Variants in GABRA3 observed in about 807,000 individuals in gnomAD.
The protein encoded by GABRA3 is gamma-aminobutyric acid receptor subunit alpha-3.
A neutral mutation model predicts 30.1 loss-of-function variants in GABRA3; 10 were observed. That is an observed-to-expected ratio of 0.33 (90% CI 0.20 to 0.56). The LOEUF (loss-of-function observed/expected upper bound fraction) is 0.56. Ranked by LOEUF, GABRA3 falls within the 20% of genes least tolerant of loss-of-function variation. The probability of loss-of-function intolerance (pLI) is 0.89; values close to 1 mark genes in which losing one functional copy is unlikely to be tolerated. For missense variants in GABRA3, 233 were observed against 392.0 expected (o/e 0.59, Z 3.42); for synonymous variants, 151 against 146.8 (o/e 1.03, Z -0.21).
intron 4 of GABRA3, among the ~76,000 whole-genome samples, chrX:152,273,298 G>A (rs929390704): frequency 8.9e-6 from 1 of 112,201 alleles, no homozygotes; most frequent in Non-Finnish European, 1.9e-5. Context: ...ACAGATGCTT[G>A]CAAGGATGCG....
At chrX:152,214,999 CATA>C (rs1451086698) in intron 6 of GABRA3, among the ~76,000 whole-genome samples, 1 of 105,542 alleles carries the variant, frequency 9.5e-6, no homozygotes, top group African/African-American at 3.4e-5. Flanking sequence ...CACACACACA[CATA>C]TATATATACA....
chrX:152,265,816 A>G (rs745715901), intron 4 of GABRA3, among the ~76,000 whole-genome samples: 28 of 111,305 alleles, frequency 2.5e-4, no homozygotes, highest in African/African-American at 8.8e-4. Flanking sequence ...AAAACTGATA[A>G]GGAAGAAATT....
chrX:152,369,820 T>C (rs751675030), intron 1 of GABRA3, among the ~76,000 whole-genome samples: 4 of 111,532 alleles, frequency 3.6e-5, no homozygotes, highest in South Asian at 3.8e-4. Flanking sequence ...CAAAGATATA[T>C]GCCCAATGCA....
Position 152,167,365 on chromosome X carries a change from A to T in GABRA3, c.*863T>A, listed in dbSNP as rs1251217211. 8.9e-6 allele frequency: 1 copy of T among 112,193 alleles called. No homozygotes were observed. 9.2% of individuals were successfully genotyped at this position (112,193 alleles called of 1,213,427 possible). A position where few individuals can be genotyped will look rare whatever the true frequency, so the allele number is the denominator to read the frequency against. On this transcript the variant is annotated 3_prime_UTR_variant, in exon 10 of 10. Coordinates refer to ENST00000370314, the MANE Select transcript of GABRA3 (RefSeq NM_000808.4). ...CATATTTTAAAAAAATGTTTTTTTTAAATCTAGATCACTTTGTTTCTATTT... is the reference window on the plus strand; with the variant it reads ...CATATTTTAAAAAAATGTTTTTTTTTAATCTAGATCACTTTGTTTCTATTT...
chrX:152,411,125 C>T (rs1029823992), intron 1 of GABRA3, among the ~76,000 whole-genome samples: 26 of 111,316 alleles, frequency 2.3e-4, no homozygotes, highest in African/African-American at 8.2e-4. Context: ...GCCTGGGTAA[C>T]ATAGTGAGAC....
chrX:152,431,184 G>A (rs779134203), intron 1 of GABRA3, among the ~76,000 whole-genome samples: 23 of 111,766 alleles, frequency 2.1e-4, no homozygotes, highest in Non-Finnish European at 4.0e-4. Flanking sequence ...GAAGGTAGTG[G>A]AGCAATGTTT....
intron 9 of GABRA3, among the ~76,000 whole-genome samples, chrX:152,182,697 ATATAGTGTATATATACATATATAGG>A (rs1277767093): frequency 2.9e-4 from 18 of 61,800 alleles, no homozygotes; most frequent in Admixed American, 8.3e-4. Flanking sequence ...ATATATGTAT[ATATAGTGTATATATACATATATAGG>A]TATAGTGTAT....
chrX:152,372,888 A>C (rs1928880048), intron 1 of GABRA3, among the ~76,000 whole-genome samples: 1 of 111,951 alleles, frequency 8.9e-6, no homozygotes, highest in Non-Finnish European at 1.9e-5. Context: ...GCATACTCCC[A>C]TATATTATGC....
chrX:152,211,905 A>G (rs1237100809), intron 6 of GABRA3, among the ~76,000 whole-genome samples: 1 of 111,016 alleles, frequency 9.0e-6, no homozygotes, highest in African/African-American at 3.3e-5. Flanking sequence ...CCAAGGCAAA[A>G]AGTATGTGAG....
chrX:152,395,209 G>A (rs987424895), intron 1 of GABRA3, among the ~76,000 whole-genome samples: 1 of 110,884 alleles, frequency 9.0e-6, no homozygotes, highest in East Asian at 2.8e-4. Flanking sequence ...AAATCCAAAC[G>A]ATCCCATTAC....
intron 9 of GABRA3, among the ~76,000 whole-genome samples, chrX:152,188,615 C>A (rs2124345963): frequency 9.0e-6 from 1 of 111,131 alleles, no homozygotes. Context: ...GCAAAAAATC[C>A]TATGGTAGAG....
chrX:152,364,525 T>A lies in GABRA3; in HGVS notation c.46A>T (p.Ile16Phe). 1 of 1,209,041 alleles carries A rather than the reference T, an allele frequency of 8.3e-7. No individual in the cohort carries two copies. The highest frequency in any genetic ancestry group is 1.1e-6 in the Non-Finnish European group (1 of 893,649). Residue 16 changes from isoleucine (I) to phenylalanine (F), a missense_variant, in exon 2 of 10, where the codon ATT (isoleucine) becomes TTT (phenylalanine). Around this residue, in one of 6 missense-constraint regions of GABRA3, gnomAD observed 69 missense variants for 79.4 expected, o/e 0.87. Coordinates refer to ENST00000370314, the MANE Select transcript of GABRA3 (RefSeq NM_000808.4). ...TSHCYMTSLG[I>F]LFLINILPGT... ...GGGAGAATATTAATCAGGAAAAGAA[T>A]CCCAAGGCTGGTCATGTAACAGTGA...
At chrX:152,351,068 T>G (rs1415078359) in intron 2 of GABRA3, among the ~76,000 whole-genome samples, 3 of 112,041 alleles carry the variant, frequency 2.7e-5, no homozygotes, top group Non-Finnish European at 5.6e-5. Flanking sequence ...GCTTTGTTAT[T>G]TCATTTACAG....
intron 1 of GABRA3, among the ~76,000 whole-genome samples, chrX:152,393,092 T>C (rs895112529): frequency 8.9e-5 from 10 of 112,189 alleles, no homozygotes; most frequent in African/African-American, 3.2e-4. Flanking sequence ...CAGGTAGACA[T>C]GAAACCATGA....
chrX:152,437,223 A>C (rs1366453476), intron 1 of GABRA3, among the ~76,000 whole-genome samples: 2 of 112,193 alleles, frequency 1.8e-5, no homozygotes, highest in Non-Finnish European at 3.8e-5. Flanking sequence ...TATACTAGCA[A>C]TGAACAACTG....
chrX:152,257,873 A>G (rs5970247), intron 4 of GABRA3, among the ~76,000 whole-genome samples: 24,923 of 111,479 alleles, frequency 0.22, 2,721 homozygotes, highest in African/African-American at 0.43. Flanking sequence ...TGGGATTGAC[A>G]TCCGAATATA....
In GABRA3 at chrX:152,255,986, C is replaced by T; in HGVS notation, c.343G>A (p.Asp115Asn). 8.4e-7 allele frequency: 1 copy of T among 1,193,521 alleles called. No homozygotes were observed. Among genetic ancestry groups the T allele is most frequent in the Non-Finnish European group, 1.1e-6 (1 of 882,689 alleles). Residue 115 changes from aspartate to asparagine, a missense_variant, in exon 5 of 10, where the codon GAT becomes AAT. Asp to Asn is a conservative substitution (Grantham distance 23). Coordinates refer to ENST00000370314, the MANE Select transcript of GABRA3 (RefSeq NM_000808.4). ...VSDTDMEYTI[D>N]VFFRQTWHDE... ...TGCCATGTCTGCCGAAAAAATACAT[C>T]AATAGTGTACTCCTAGGGGTGAAAA...
chrX:152,242,527 TA>T (rs892087661), intron 5 of GABRA3, among the ~76,000 whole-genome samples: 2 of 111,968 alleles, frequency 1.8e-5, no homozygotes, highest in African/African-American at 6.5e-5. Context: ...AATAAAGGGT[TA>T]ATATTCAAAA....
At chrX:152,376,846 T>C (rs1423526881) in intron 1 of GABRA3, among the ~76,000 whole-genome samples, 4 of 111,550 alleles carry the variant, frequency 3.6e-5, no homozygotes, top group African/African-American at 6.5e-5. Flanking sequence ...TATGGATACC[T>C]CTAATTTGGG....
Sources: gnomAD v4.1 joint callset for allele counts (sites outside exome capture counted in the v4.1 genomes callset) on GRCh38, gnomAD v4.1.1 for gene constraint, gnomAD v4.1.1 regional missense constraint, MANE v1.5 for transcripts, NCBI Gene and HGNC (gene_info 2026-07-23, HGNC 2026-07-21) for gene names.